Variants in LMCD1 observed in about 807,000 individuals in gnomAD.
LMCD1 encodes the protein LIM and cysteine-rich domains protein 1.
Under a neutral mutation model 42.7 loss-of-function variants are expected in LMCD1, and 32 were observed. The observed-to-expected ratio is 0.75, with a 90% confidence interval of 0.57 to 1.01. The LOEUF is 1.01. Among genes scored for constraint, LMCD1 ranks in the 50% least tolerant of loss-of-function variants. The pLI is 0.00. For missense variants in LMCD1, 458 were observed against 483.1 expected, an observed-to-expected ratio of 0.95 and a Z score of 0.49; for synonymous variants, 178 against 184.9, an observed-to-expected ratio of 0.96 and a Z score of 0.30.
intron 1 of LMCD1, among the ~76,000 whole-genome samples, chr3:8,506,941 C>T (rs922931851): frequency 1.1e-4 from 17 of 152,180 alleles, no homozygotes; most frequent in South Asian, 6.2e-4. Context: ...CTTAAAACTT[C>T]GTTCCACTGA....
At chr3:8,558,841 C>T (rs557204697) in intron 4 of LMCD1, among the ~76,000 whole-genome samples, 1 of 152,304 alleles carries the variant, frequency 6.6e-6, no homozygotes, top group South Asian at 2.1e-4. Flanking sequence ...CAGTCTATAA[C>T]AGCGGTTCTC....
At chr3:8,531,967 A>G (rs1165699861) in intron 1 of LMCD1, among the ~76,000 whole-genome samples, 1 of 152,178 alleles carries the variant, frequency 6.6e-6, no homozygotes, top group Admixed American at 6.5e-5. Context: ...TTCTTCTCCA[A>G]TGTTAATGTA....
intron 1 of LMCD1, among the ~76,000 whole-genome samples, chr3:8,515,360 C>T (rs1162688730): frequency 6.6e-6 from 1 of 152,180 alleles, no homozygotes; most frequent in African/African-American, 2.4e-5. Context: ...GCCCCAAATC[C>T]CACCCCTTCC....
intron 1 of LMCD1, among the ~76,000 whole-genome samples, chr3:8,518,314 G>C (rs547614167): frequency 2.0e-5 from 3 of 152,308 alleles, no homozygotes; most frequent in Admixed American, 6.5e-5. Flanking sequence ...CCCAGTGCTT[G>C]TCTGTATTCT....
chr3:8,509,717 C>T (rs943833814), intron 1 of LMCD1, among the ~76,000 whole-genome samples: 6 of 152,166 alleles, frequency 3.9e-5, no homozygotes, highest in Non-Finnish European at 7.4e-5. Context: ...TTTCCAACCA[C>T]CCTCAGATTT....
Position 8,567,614 on chromosome 3 carries a change from CA to C in LMCD1, c.*17del. On this transcript the variant is annotated 3_prime_UTR_variant, in exon 6 of 6. Coordinates refer to ENST00000157600, the MANE Select transcript of LMCD1 (RefSeq NM_014583.4). ...ACGCTCCTGAAGGGCTGCCCACCCA[CA>C]GCCAGAATCCACAGGATCCCACCGA... 1 of 1,608,116 alleles carries C rather than the reference CA, an allele frequency of 6.2e-7. No homozygotes were observed. Among genetic ancestry groups the C allele is most frequent in the Non-Finnish European group, 8.5e-7 (1 of 1,176,414 alleles).
At chr3:8,538,210 A>T (rs1165299499) in intron 3 of LMCD1, among the ~76,000 whole-genome samples, 1 of 152,128 alleles carries the variant, frequency 6.6e-6, no homozygotes, top group African/African-American at 2.4e-5. Context: ...GGCTCCTACA[A>T]TCTCAACATG....
chr3:8,548,450 G>C (rs1233926118), intron 3 of LMCD1, 118 bp from the exon 4 acceptor site: 1 of 602,994 alleles, frequency 1.7e-6, no homozygotes, highest in Non-Finnish European at 2.7e-6. Context: ...GGGTCTTTCA[G>C]TTGCTGAGAA....
chr3:8,519,577 T>G lies in LMCD1; in HGVS notation c.43-13160T>G, dbSNP rs150066969. Among the ~76,000 whole-genome samples, 169 of 152,298 alleles carry G rather than the reference T, an allele frequency of 1.1e-3. 1 individual carries two copies. Among genetic ancestry groups the G allele is most frequent in the Non-Finnish European group, 2.2e-3 (150 of 68,022 alleles). ...TTAGAAAAATGTGGCCTAAATACTC[T>G]GTAAGTTCCTTTTAGTCCTAAAGAT... On this transcript the variant is annotated intron_variant, in intron 1 of 5. Coordinates refer to ENST00000157600, the MANE Select transcript of LMCD1 (RefSeq NM_014583.4).
In LMCD1 at chr3:8,548,579, C is replaced by T. The variant is rs375677599; in HGVS notation, c.399C>T (p.Tyr133=). The change falls in exon 4 of 6, where the codon TAC becomes TAT. Residue 133 remains tyrosine (Y), a synonymous_variant. Coordinates refer to ENST00000157600, the MANE Select transcript of LMCD1 (RefSeq NM_014583.4). ...CTCCTCCTCCCTAGGGACTGCAGTA[C>T]ATGGAGCTCATCCCCAAGGAGAAGC... is the stretch of plus-strand genomic sequence containing the variant. ...PGVTQKLGLQ[Y]MELIPKEKQP... The T allele has an allele frequency of 4.4e-5, 71 of 1,611,940 alleles. No individual in the cohort carries two copies. Among genetic ancestry groups the T allele is most frequent in the Admixed American group, 2.2e-4 (13 of 59,934 alleles).
chr3:8,546,132 C>CA (rs976958953), intron 3 of LMCD1, among the ~76,000 whole-genome samples: 5 of 150,646 alleles, frequency 3.3e-5, no homozygotes, highest in African/African-American at 7.3e-5. Context: ...GACTCTGTCT[C>CA]AAAAAAACAA....
intron 4 of LMCD1, among the ~76,000 whole-genome samples, chr3:8,559,878 T>C (rs6797307): frequency 0.057 from 8,703 of 152,138 alleles, 406 homozygotes; most frequent in African/African-American, 0.13. Context: ...ATGATACTGT[T>C]TGCTTAAAGG....
Position 8,567,591 on chromosome 3 carries a change from G to A in LMCD1, c.1091G>A (p.Arg364His), listed in dbSNP as rs200085551. 200 of 1,612,484 alleles carry A rather than the reference G, an allele frequency of 1.2e-4. No individual in the cohort carries two copies. In the East Asian group the frequency reaches 3.7e-3, roughly 30 times the overall value. Residue 364 changes from arginine (R) to histidine (H), a missense_variant, in exon 6 of 6, where the codon CGC (arginine) becomes CAC (histidine). Transcript: ENST00000157600. ...LLCPTCSKSKRS is the reference protein window; with the variant it reads ...LLCPTCSKSKHS ...TGCCCAACTTGCAGCAAGTCCAAACGCTCCTGAAGGGCTGCCCACCCACAG... is the reference window on the plus strand; with the variant it reads ...TGCCCAACTTGCAGCAAGTCCAAACACTCCTGAAGGGCTGCCCACCCACAG...
chr3:8,533,988 T>C (rs1160549342), intron 2 of LMCD1, among the ~76,000 whole-genome samples: 2 of 151,828 alleles, frequency 1.3e-5, no homozygotes, highest in Admixed American at 1.3e-4. Context: ...CAAAAACTCC[T>C]TCTATAATTT....
At chr3:8,552,819 G>T (rs1307924347) in intron 4 of LMCD1, among the ~76,000 whole-genome samples, 1 of 152,134 alleles carries the variant, frequency 6.6e-6, no homozygotes, top group African/African-American at 2.4e-5. Flanking sequence ...CGCCTCCGAG[G>T]TTCACGCCAT....
At chr3:8,548,525 C>A in intron 3 of LMCD1, 43 bp from the exon 4 acceptor site, 1 of 1,390,806 alleles carries the variant, frequency 7.2e-7, no homozygotes, top group Non-Finnish European at 9.9e-7. Context: ...ACTGATGAAG[C>A]CCCATCCACA....
chr3:8,551,118 A>G (rs914847535), intron 4 of LMCD1: 2 of 985,354 alleles, frequency 2.0e-6, no homozygotes, highest in South Asian at 4.7e-5. Flanking sequence ...TGTGGAAGAT[A>G]GACTTCTATG....
chr3:8,504,535 C>A (rs1181709347), intron 1 of LMCD1, among the ~76,000 whole-genome samples: 1 of 152,238 alleles, frequency 6.6e-6, no homozygotes, highest in Non-Finnish European at 1.5e-5. Context: ...AAAAGATCTT[C>A]AGCAAAGAAC....
intron 5 of LMCD1, among the ~76,000 whole-genome samples, chr3:8,566,677 T>G (rs1695138044): frequency 6.6e-6 from 1 of 152,232 alleles, no homozygotes; most frequent in South Asian, 2.1e-4. Flanking sequence ...TAGGGAGAGA[T>G]AAGCATGATT....
Sources: gnomAD v4.1 joint callset for allele counts (sites outside exome capture counted in the v4.1 genomes callset) on GRCh38, gnomAD v4.1.1 for gene constraint, MANE v1.5 for transcripts, NCBI Gene and HGNC (gene_info 2026-07-23, HGNC 2026-07-21) for gene names.